The following NBAS variants were observed in gnomAD, a reference collection of about 807,000 sequenced individuals.
NBAS encodes the protein NBAS subunit of NRZ tethering complex.
Under a neutral mutation model 302.5 loss-of-function variants are expected in NBAS, and 219 were observed. The ratio of observed to expected loss-of-function variants is 0.72; its 90% confidence interval spans 0.65 to 0.81. The LOEUF (loss-of-function observed/expected upper bound fraction) is 0.81. Ranked by LOEUF, NBAS falls within the 30% of genes least tolerant of loss-of-function variation. NBAS has a pLI of 0.00. For missense variants in NBAS, 2,932 were observed against 2,841.6 expected, an observed-to-expected ratio of 1.03 and a Z score of -0.72; for synonymous variants, 1,118 against 1,021.6, an observed-to-expected ratio of 1.09 and a Z score of -1.80.
At chr2:14,930,007 C>T in the NBAS span, among the ~76,000 whole-genome samples, 5 of 152,174 alleles carry the variant, frequency 3.3e-5, no homozygotes, top group African/African-American at 1.2e-4. Flanking sequence ...TCCTGCTCCA[C>T]CATGGTAAGA....
chr2:14,849,560 G>C, the NBAS span, among the ~76,000 whole-genome samples: 3 of 150,818 alleles, frequency 2.0e-5, no homozygotes, highest in Non-Finnish European at 4.4e-5. Context: ...CCAACGTTCA[G>C]ATTCAGGAAA....
chr2:15,553,997 A>G, intron 4 of NBAS, 64 bp downstream of exon 4: 2 of 1,393,372 alleles, frequency 1.4e-6, no homozygotes, highest in Non-Finnish European at 1.0e-6. Context: ...TCCAAAATTA[A>G]CGTCCATAAT....
chr2:14,972,215 C>T, the NBAS span, among the ~76,000 whole-genome samples: 1 of 152,116 alleles, frequency 6.6e-6, no homozygotes, highest in East Asian at 1.9e-4. Flanking sequence ...AAACCAAACA[C>T]TGCATGTTCT....
At chr2:14,837,087 A>T in the NBAS span, among the ~76,000 whole-genome samples, 2 of 151,852 alleles carry the variant, frequency 1.3e-5, no homozygotes, top group Middle Eastern at 3.2e-3. Context: ...TTACATACCA[A>T]ATCACATCAT....
chr2:14,848,433 C>T, the NBAS span, among the ~76,000 whole-genome samples: 3 of 142,180 alleles, frequency 2.1e-5, no homozygotes, highest in Non-Finnish European at 4.5e-5. Flanking sequence ...CCTACGCCCA[C>T]GGAATCTCGC....
chr2:15,099,074 C>T, the NBAS span, among the ~76,000 whole-genome samples: 12 of 152,044 alleles, frequency 7.9e-5, no homozygotes, highest in East Asian at 3.9e-4. Context: ...TGGGAGGCTG[C>T]GGCAGGCCTC....
Position 15,547,738 on chromosome 2 carries a change from G to T in NBAS, c.379+3755C>A, listed in dbSNP as rs1036917945. On this transcript the variant is annotated intron_variant, in intron 6 of 51. Transcript: ENST00000281513. Reference sequence around the variant, plus strand: ...TCTCACCCAGTGAAAGGGCTGCACTGGGAAAAAGGCAATTGAATACCCACC... The same window carrying T: ...TCTCACCCAGTGAAAGGGCTGCACTTGGAAAAAGGCAATTGAATACCCACC... 5.3e-5 allele frequency among the ~76,000 whole-genome samples: 8 copies of T among 152,072 alleles called. 1 individual carries two copies. The South Asian group carries it at 6.2e-4, about 12-fold the overall frequency.
intron 13 of NBAS, among the ~76,000 whole-genome samples, chr2:15,477,899 T>C (rs1287061436): frequency 1.3e-5 from 2 of 152,166 alleles, no homozygotes; most frequent in Non-Finnish European, 2.9e-5. Flanking sequence ...TAACCCTAAT[T>C]ACCCCCAACC....
the NBAS span, among the ~76,000 whole-genome samples, chr2:15,092,939 T>C: frequency 2.6e-5 from 4 of 152,150 alleles, no homozygotes; most frequent in Non-Finnish European, 5.9e-5. Flanking sequence ...ACTGTGTTTT[T>C]ACCCAAAGCA....
chr2:15,137,788 T>A, the NBAS span, among the ~76,000 whole-genome samples: 13 of 152,316 alleles, frequency 8.5e-5, no homozygotes, highest in Non-Finnish European at 1.8e-4. Context: ...TTTTTGTTTT[T>A]GTTTTGAGAA....
At chr2:15,550,098 G>C (rs1664306429) in intron 6 of NBAS, among the ~76,000 whole-genome samples, 1 of 152,122 alleles carries the variant, frequency 6.6e-6, no homozygotes, top group Non-Finnish European at 1.5e-5. Context: ...CATGAGGTCA[G>C]GCTGCAGTAA....
the NBAS span, among the ~76,000 whole-genome samples, chr2:14,802,638 C>G: frequency 1.3e-5 from 2 of 150,706 alleles, no homozygotes; most frequent in Non-Finnish European, 3.0e-5. Flanking sequence ...TGGAACCAAC[C>G]CAAATGTCCA....
At chr2:15,051,636 C>T in the NBAS span, among the ~76,000 whole-genome samples, 1 of 152,206 alleles carries the variant, frequency 6.6e-6, no homozygotes, top group Non-Finnish European at 1.5e-5. Context: ...GCAAACCATT[C>T]CTCTTCAGAG....
chr2:15,457,508 AT>A (rs1437023331), intron 21 of NBAS, among the ~76,000 whole-genome samples: 4 of 152,208 alleles, frequency 2.6e-5, no homozygotes, highest in Non-Finnish European at 4.4e-5. Flanking sequence ...GCAATTACTT[AT>A]TTAGGGTATG....
chr2:15,341,795 A>G (rs1341367591), intron 35 of NBAS, among the ~76,000 whole-genome samples: 1 of 152,182 alleles, frequency 6.6e-6, no homozygotes, highest in African/African-American at 2.4e-5. Flanking sequence ...AAGCTATCAA[A>G]TAAGTAAAGA....
chr2:15,087,516 G>A, the NBAS span, among the ~76,000 whole-genome samples: 1 of 152,194 alleles, frequency 6.6e-6, no homozygotes, highest in Non-Finnish European at 1.5e-5. Context: ...AAGATAAAGT[G>A]GCCAGCCTAG....
the NBAS span, among the ~76,000 whole-genome samples, chr2:14,963,943 C>T: frequency 1.3e-4 from 20 of 152,200 alleles, 1 homozygote; most frequent in South Asian, 4.1e-4. Flanking sequence ...ACGAGTCTTC[C>T]TCAGCAAAGC....
At chr2:15,478,706 G>C (rs1232591363) in intron 12 of NBAS, among the ~76,000 whole-genome samples, 1 of 152,092 alleles carries the variant, frequency 6.6e-6, no homozygotes, top group African/African-American at 2.4e-5. Flanking sequence ...GACTTGACTA[G>C]GCAACCTCCA....
intron 9 of NBAS, among the ~76,000 whole-genome samples, chr2:15,533,668 CG>C (rs1164678847): frequency 1.4e-5 from 2 of 138,580 alleles, no homozygotes; most frequent in South Asian, 2.5e-4. Context: ...AGGAGGACTT[CG>C]GGGGGTGTGC....
Sources: allele counts gnomAD v4.1 joint callset (sites outside exome capture counted in the v4.1 genomes callset), GRCh38; gene constraint gnomAD v4.1.1; transcripts MANE v1.5; gene names NCBI Gene and HGNC (gene_info 2026-07-23, HGNC 2026-07-21).